CSMD1: variants seen among roughly 807,000 people sequenced by gnomAD.
CSMD1 encodes the protein CUB and Sushi multiple domains 1.
CSMD1 carries 213 observed loss-of-function variants against 417.5 expected under a neutral mutation model. The ratio of observed to expected loss-of-function variants is 0.51; its 90% confidence interval spans 0.46 to 0.57. The LOEUF is 0.57. Among genes scored for constraint, CSMD1 ranks in the 20% least tolerant of loss-of-function variants. CSMD1 has a pLI of 0.00. For synonymous variants in CSMD1, 2,862 were observed against 1,736.8 expected (o/e 1.65, Z -16.11); for missense variants, 6,923 against 4,529.7 (o/e 1.53, Z -15.17).
chr8:4,682,101 C>A (rs192860524), intron 1 of CSMD1, among the ~76,000 whole-genome samples: 4 of 152,160 alleles, frequency 2.6e-5, no homozygotes, highest in African/African-American at 4.8e-5. Flanking sequence ...TCACTGCAAC[C>A]TCCGCCTCCT....
chr8:3,371,550 T>A (rs566563666), intron 18 of CSMD1, among the ~76,000 whole-genome samples: 2 of 152,092 alleles, frequency 1.3e-5, no homozygotes, highest in Admixed American at 6.6e-5. Context: ...CTAGGTAAGA[T>A]GAACTATCAT....
intron 1 of CSMD1, among the ~76,000 whole-genome samples, chr8:4,955,066 C>G (rs976678983): frequency 2.8e-4 from 43 of 152,100 alleles, no homozygotes; most frequent in African/African-American, 9.9e-4. Flanking sequence ...CAGTGGCTCT[C>G]AAAATAGGCT....
intron 3 of CSMD1, among the ~76,000 whole-genome samples, chr8:4,323,960 C>A (rs1196787808): frequency 6.6e-6 from 1 of 152,146 alleles, no homozygotes; most frequent in Non-Finnish European, 1.5e-5. Context: ...ACTGGGCTGT[C>A]AGTGCAGCCT....
chr8:4,199,727 G>C (rs1799542403), intron 3 of CSMD1, among the ~76,000 whole-genome samples: 1 of 152,154 alleles, frequency 6.6e-6, no homozygotes, highest in African/African-American at 2.4e-5. Context: ...TCAGGGATCA[G>C]ATGCTTTGAT....
chr8:4,877,764 GC>G (rs1803139955), intron 1 of CSMD1, among the ~76,000 whole-genome samples: 1 of 152,102 alleles, frequency 6.6e-6, no homozygotes, highest in Non-Finnish European at 1.5e-5. Flanking sequence ...ATGTATTCAT[GC>G]CTGTAAAAAG....
intron 46 of CSMD1, among the ~76,000 whole-genome samples, chr8:3,102,783 T>C (rs115329031): frequency 0.012 from 1,767 of 152,286 alleles, 30 homozygotes; most frequent in African/African-American, 0.038. Context: ...TATTAAAAGC[T>C]GTAAGAGCCA....
At chr8:3,440,427 G>T (rs186659106) in intron 12 of CSMD1, among the ~76,000 whole-genome samples, 1 of 152,110 alleles carries the variant, frequency 6.6e-6, no homozygotes, top group Admixed American at 6.5e-5. Context: ...GTATTTTAAA[G>T]AAATTGGGTG....
chr8:3,969,693 T>A (rs893041373), intron 5 of CSMD1, among the ~76,000 whole-genome samples: 3 of 152,152 alleles, frequency 2.0e-5, no homozygotes, highest in African/African-American at 7.2e-5. Context: ...GTGGACATGG[T>A]TCACACACCA....
chr8:4,237,659 G>T (rs116942707), intron 3 of CSMD1, among the ~76,000 whole-genome samples: 31 of 152,056 alleles, frequency 2.0e-4, no homozygotes, highest in African/African-American at 7.2e-4. Flanking sequence ...GAGACTGGAG[G>T]TGTGCACCAC....
At chr8:3,859,170 A>G (rs779396108) in intron 5 of CSMD1, among the ~76,000 whole-genome samples, 1 of 152,184 alleles carries the variant, frequency 6.6e-6, no homozygotes, top group Non-Finnish European at 1.5e-5. Context: ...TGCCAGACAC[A>G]CAACAGGCTC....
chr8:4,190,253 C>CA (rs11397581), intron 3 of CSMD1, among the ~76,000 whole-genome samples: 4,002 of 66,360 alleles, frequency 0.06, 109 homozygotes, highest in African/African-American at 0.074. Flanking sequence ...ACTCCGTCTC[C>CA]AAAAAAAAAA....
chr8:4,437,267 A>G (rs1798201040), intron 2 of CSMD1, among the ~76,000 whole-genome samples: 1 of 152,256 alleles, frequency 6.6e-6, no homozygotes, highest in South Asian at 2.1e-4. Context: ...AGAGAAAAGT[A>G]AACTTCCTTT....
rs147590104 is a variant in CSMD1, at chr8:4,677,797, A to C, written c.86-40239T>G. 1.6e-4 allele frequency among the ~76,000 whole-genome samples: 25 copies of C among 152,310 alleles called. 1 individual carries two copies. In the Middle Eastern group the frequency reaches 0.014, roughly 83 times the overall value. On this transcript the variant is annotated intron_variant, in intron 1 of 69. Transcript: ENST00000635120. ...AATGGAAAACAGAAGGTAATGTAAA[A>C]ATGACAAAAGAAGAACAAAAAGGAG... is the stretch of plus-strand genomic sequence containing the variant.
intron 1 of CSMD1, among the ~76,000 whole-genome samples, chr8:4,647,442 A>ACGCG (rs1281271812): frequency 2.7e-5 from 4 of 148,988 alleles, no homozygotes; most frequent in Non-Finnish European, 4.4e-5. Flanking sequence ...CTACGTAGGT[A>ACGCG]TGCGTGTGCC....
At chr8:4,296,841 C>T (rs1381128092) in intron 3 of CSMD1, among the ~76,000 whole-genome samples, 3 of 151,636 alleles carry the variant, frequency 2.0e-5, no homozygotes, top group Non-Finnish European at 2.9e-5. Context: ...CTGTGGAGGG[C>T]CTGCTATCTC....
intron 3 of CSMD1, among the ~76,000 whole-genome samples, chr8:4,407,880 T>A (rs932034395): frequency 2.6e-5 from 4 of 152,156 alleles, no homozygotes; most frequent in African/African-American, 9.7e-5. Context: ...AGCTCATATT[T>A]ATGAGTTAAG....
At chr8:4,197,803 CA>C (rs1277233778) in intron 3 of CSMD1, among the ~76,000 whole-genome samples, 1 of 152,066 alleles carries the variant, frequency 6.6e-6, no homozygotes, top group Non-Finnish European at 1.5e-5. Context: ...TGCTTGAACC[CA>C]GGAGGCAGAG....
At position 4,178,323 on chromosome 8, in the gene CSMD1, C is replaced by G. The variant is rs1425175038; in HGVS notation, c.416-146224G>C. 4.0e-5 allele frequency among the ~76,000 whole-genome samples: 6 copies of G among 151,374 alleles called. No homozygotes were observed. In the East Asian group the frequency reaches 9.7e-4, roughly 24 times the overall value. On this transcript the variant is annotated intron_variant, in intron 3 of 69. Coordinates refer to ENST00000635120, the MANE Select transcript of CSMD1 (RefSeq NM_033225.6). The stretch of plus-strand genomic sequence containing the variant: ...TCCAGCATATAAACAGAACCAAAGA[C>G]AAAAACCACATGATTATCTCAATAG...
chr8:3,029,501 G>A lies in CSMD1; in HGVS notation c.7673C>T (p.Pro2558Leu). 1 of 1,596,714 alleles carries A rather than the reference G, an allele frequency of 6.3e-7. No individual in the cohort carries two copies. The highest frequency in any genetic ancestry group is 8.5e-7 in the Non-Finnish European group (1 of 1,171,512). The change falls in exon 51 of 70, where the codon CCC (proline) becomes CTC (leucine). Residue 2558 changes from proline to leucine, a missense_variant. Coordinates refer to ENST00000635120, the MANE Select transcript of CSMD1 (RefSeq NM_033225.6). Reference protein sequence around the residue: ...KPPTCKPVACPSIEAQLSEHV... With the variant: ...KPPTCKPVACLSIEAQLSEHV... ...TTCTGAGAGCTGAGCTTCAATGCTG[G>A]GGCAAGCGACCGCTGGAAGGGAAAC...
Sources: gnomAD v4.1 joint callset for allele counts (sites outside exome capture counted in the v4.1 genomes callset) on GRCh38, gnomAD v4.1.1 for gene constraint, MANE v1.5 for transcripts, NCBI Gene and HGNC (gene_info 2026-07-23, HGNC 2026-07-21) for gene names.